Variants in SLC9A8 observed in about 807,000 individuals in gnomAD.
The protein encoded by SLC9A8 is sodium/hydrogen exchanger 8.
Under a neutral mutation model 66.6 loss-of-function variants are expected in SLC9A8, and 48 were observed. That is an observed-to-expected ratio of 0.72 (90% CI 0.57 to 0.92). The LOEUF is 0.92. SLC9A8 is among the 40% of genes least tolerant of loss of function. SLC9A8 has a pLI of 0.00. For synonymous variants in SLC9A8, 274 were observed against 282.6 expected (o/e 0.97, Z 0.31); for missense variants, 599 against 747.3 (o/e 0.80, Z 2.31).
chr20:49,860,340 A>G (rs1378047630), intron 8 of SLC9A8, among the ~76,000 whole-genome samples: 8 of 152,118 alleles, frequency 5.3e-5, no homozygotes, highest in Admixed American at 5.2e-4. Context: ...TTATTATGTT[A>G]TTTTGGGCTG....
Position 49,831,894 on chromosome 20 carries a change from C to A in SLC9A8, c.290-7647C>A, listed in dbSNP as rs551009191. 2.8e-4 allele frequency among the ~76,000 whole-genome samples: 43 copies of A among 152,346 alleles called. No homozygotes were observed. In the South Asian group the frequency reaches 8.7e-3, roughly 31 times the overall value. ...AGTGACACCCCAGACACCACTGCCA[C>A]AGTGGGCGCTTGCCCCGCCCTGGGC... On this transcript the variant is annotated intron_variant, in intron 3 of 15. Transcript: ENST00000361573.
At chr20:49,830,133 A>G (rs2087113597) in intron 3 of SLC9A8, 1 of 744,848 alleles carries the variant, frequency 1.3e-6, no homozygotes, top group Admixed American at 1.7e-5. Context: ...TTACCAGGCA[A>G]TCACAAAGAA....
At chr20:49,849,709 A>G in intron 6 of SLC9A8, 29 bp downstream of exon 6, 1 of 1,530,294 alleles carries the variant, frequency 6.5e-7, no homozygotes, top group Non-Finnish European at 9.1e-7. Context: ...AAACACTTTG[A>G]AAGTCTTACA....
In SLC9A8 at chr20:49,874,060, G is replaced by GCCAAC. The variant is rs2089324226; in HGVS notation, c.959-644_959-640dup. The stretch of plus-strand genomic sequence containing the variant: ...AGGTCAGGAGTTTGAGACCAGCCTG[G>GCCAAC]CCAACATGGTGAAACCTCTTCTCTA... On this transcript the variant is annotated intron_variant, in intron 10 of 15. Coordinates refer to ENST00000361573, the MANE Select transcript of SLC9A8 (RefSeq NM_015266.3). Among the ~76,000 whole-genome samples the GCCAAC allele has an allele frequency of 2.0e-5, 3 of 152,184 alleles. No individual in the cohort carries two copies. In the South Asian group the frequency reaches 6.2e-4, roughly 32 times the overall value.
At chr20:49,880,628 T>A (rs1250256365) in intron 12 of SLC9A8, among the ~76,000 whole-genome samples, 2 of 152,250 alleles carry the variant, frequency 1.3e-5, no homozygotes, top group East Asian at 3.8e-4. Flanking sequence ...TCAGTTTTGT[T>A]CTGCTGTCAT....
chr20:49,876,902 C>T (rs2089447947), intron 11 of SLC9A8, among the ~76,000 whole-genome samples: 1 of 152,082 alleles, frequency 6.6e-6, no homozygotes, highest in Admixed American at 6.5e-5. Context: ...AATTCTCCAG[C>T]TTGTGGACTT....
chr20:49,835,175 A>G (rs1191178507), intron 3 of SLC9A8, among the ~76,000 whole-genome samples: 2 of 133,798 alleles, frequency 1.5e-5, no homozygotes, highest in Non-Finnish European at 3.1e-5. Flanking sequence ...GATCTGCCCT[A>G]GGGAGATAGT....
At chr20:49,856,238 A>G (rs992122384) in intron 8 of SLC9A8, among the ~76,000 whole-genome samples, 2 of 152,176 alleles carry the variant, frequency 1.3e-5, no homozygotes, top group African/African-American at 2.4e-5. Context: ...TCCCAAGACC[A>G]TGGGTTTTTA....
At chr20:49,867,392 A>G (rs2089018951) in intron 10 of SLC9A8, among the ~76,000 whole-genome samples, 2 of 152,268 alleles carry the variant, frequency 1.3e-5, no homozygotes, top group South Asian at 4.1e-4. Context: ...GCCCTAACTA[A>G]GGTGTCTCAG....
At chr20:49,834,214 T>C (rs137998400) in intron 3 of SLC9A8, among the ~76,000 whole-genome samples, 64,182 of 111,736 alleles carry the variant, frequency 0.57, 17,259 homozygotes, top group Middle Eastern at 0.62. Context: ...TATATATATA[T>C]ACACACACAC....
At chr20:49,864,920 G>T (rs2088899184) in intron 10 of SLC9A8, 76 bp downstream of exon 10, 2 of 958,916 alleles carry the variant, frequency 2.1e-6, no homozygotes, top group Non-Finnish European at 3.4e-6. Context: ...TTGTCAGTTG[G>T]GTCACTTTTA....
At chr20:49,852,130 G>A (rs1465010836) in intron 7 of SLC9A8, among the ~76,000 whole-genome samples, 1 of 152,144 alleles carries the variant, frequency 6.6e-6, no homozygotes, top group Non-Finnish European at 1.5e-5. Context: ...CCACACAGCC[G>A]CAGGGCCTGG....
At chr20:49,851,818 C>T (rs1600724103) in intron 7 of SLC9A8, among the ~76,000 whole-genome samples, 1 of 152,150 alleles carries the variant, frequency 6.6e-6, no homozygotes, top group African/African-American at 2.4e-5. Flanking sequence ...GAACTGATGT[C>T]CTGTGTTTGG....
intron 8 of SLC9A8, 55 bp from the exon 9 acceptor site, chr20:49,862,874 A>G (rs2088805181): frequency 1.4e-6 from 2 of 1,379,848 alleles, no homozygotes; most frequent in Admixed American, 2.1e-5. Flanking sequence ...GTTAATTTCT[A>G]AGAACTTTGT....
intron 11 of SLC9A8, among the ~76,000 whole-genome samples, chr20:49,877,470 G>A (rs1177211768): frequency 6.6e-6 from 1 of 152,142 alleles, no homozygotes; most frequent in African/African-American, 2.4e-5. Flanking sequence ...AGTGGAGCCA[G>A]GAGTTAGCAA....
chr20:49,819,066 T>C (rs2086648527), intron 2 of SLC9A8, among the ~76,000 whole-genome samples: 1 of 152,212 alleles, frequency 6.6e-6, no homozygotes, highest in African/African-American at 2.4e-5. Context: ...TACTTTTGAT[T>C]TTTAGAAGCT....
At chr20:49,822,144 C>G (rs1231477170) in intron 2 of SLC9A8, among the ~76,000 whole-genome samples, 1 of 152,172 alleles carries the variant, frequency 6.6e-6, no homozygotes, top group Non-Finnish European at 1.5e-5. Context: ...ATGGGAAGTC[C>G]TCAGCCGATG....
Position 49,848,627 on chromosome 20 carries a change from G to A in SLC9A8, c.433-952G>A, listed in dbSNP as rs2088111834. Among the ~76,000 whole-genome samples, 3 of 152,196 alleles carry A rather than the reference G, an allele frequency of 2.0e-5. No individual in the cohort carries two copies. The South Asian group carries it at 6.2e-4, about 31-fold the overall frequency. On this transcript the variant is annotated intron_variant, in intron 5 of 15. Coordinates refer to ENST00000361573, the MANE Select transcript of SLC9A8 (RefSeq NM_015266.3). Reference sequence around the variant, plus strand: ...ATAGCTTAATTTCCTTAATTTTATGGAAATTTGAAAGATGCTACCATGCTG... The same window carrying A: ...ATAGCTTAATTTCCTTAATTTTATGAAAATTTGAAAGATGCTACCATGCTG...
At position 49,877,973 on chromosome 20, in the gene SLC9A8, T is replaced by G. The variant is rs772759557; in HGVS notation, c.1076-8T>G. The G allele has an allele frequency of 3.2e-6, 5 of 1,581,738 alleles. No homozygotes were observed. In the African/African-American group the frequency reaches 6.8e-5, roughly 22 times the overall value. On this transcript the variant is annotated splice_region_variant and splice_polypyrimidine_tract_variant and intron_variant, in intron 11 of 15. Coordinates refer to ENST00000361573, the MANE Select transcript of SLC9A8 (RefSeq NM_015266.3). ...GGGTTGAATAATCCATTCTTTGGTT[T>G]GTTTCAGAAACATGTGTGTTTGCAT...
Sources: gnomAD v4.1 joint callset for allele counts (sites outside exome capture counted in the v4.1 genomes callset) on GRCh38, gnomAD v4.1.1 for gene constraint, MANE v1.5 for transcripts, NCBI Gene and HGNC (gene_info 2026-07-23, HGNC 2026-07-21) for gene names.